RNF150: variants seen among roughly 807,000 people sequenced by gnomAD.
RNF150 encodes the protein ring finger protein 150.
A neutral mutation model predicts 39.3 loss-of-function variants in RNF150; 24 were observed. That is an observed-to-expected ratio of 0.61 (90% CI 0.44 to 0.86). RNF150 has a LOEUF of 0.86. Among genes scored for constraint, RNF150 ranks in the 40% least tolerant of loss-of-function variants. The probability of loss-of-function intolerance (pLI) is 0.00; values close to 1 mark genes in which losing one functional copy is unlikely to be tolerated. For synonymous variants in RNF150, 255 were observed against 227.3 expected (o/e 1.12, Z -1.10); for missense variants, 502 against 587.8 (o/e 0.85, Z 1.51).
Position 140,860,666 on chromosome 4 carries a change from T to G in RNF150, c.*7595A>C, listed in dbSNP as rs997469160. On this transcript the variant is annotated 3_prime_UTR_variant, in exon 7 of 7. Transcript: ENST00000515673. ...AGGATGGAAAAAAAGCCATTGGAAT[T>G]TCCTCTTGCTAGTAGGGAGGAAGAT... 1 of 152,226 alleles carries G rather than the reference T, an allele frequency of 6.6e-6. No individual in the cohort carries two copies. The highest frequency in any genetic ancestry group is 2.4e-5 in the African/African-American group (1 of 41,462). The allele number at this position is 152,226 out of a possible 1,614,324, so 9.4% of individuals were successfully genotyped here.
chr4:140,998,836 A>G (rs1402362439), intron 1 of RNF150, among the ~76,000 whole-genome samples: 1 of 152,212 alleles, frequency 6.6e-6, no homozygotes, highest in Non-Finnish European at 1.5e-5. Context: ...CATTGGGTCC[A>G]GGATCTATAA....
chr4:141,191,555 G>T (rs114096929), intron 1 of RNF150, among the ~76,000 whole-genome samples: 5 of 152,166 alleles, frequency 3.3e-5, no homozygotes, highest in African/African-American at 9.7e-5. Context: ...AGAGGGTGTC[G>T]TATATTTGGA....
At chr4:141,138,411 A>G (rs1295536339), upstream of RNF150, among the ~76,000 whole-genome samples, 3 of 152,192 alleles carry the variant, frequency 2.0e-5, no homozygotes, top group Non-Finnish European at 4.4e-5. Context: ...ATCCCTGAAA[A>G]GAGGGAACAC....
rs1345140029 is a variant in RNF150 at position 141,005,926 on chromosome 4, G to A, written c.485-38053C>T. Among the ~76,000 whole-genome samples the A allele has an allele frequency of 2.0e-5, 3 of 147,260 alleles. 1 individual carries two copies. Among genetic ancestry groups the A allele is most frequent in the Admixed American group, 6.8e-5 (1 of 14,760 alleles). ...TACTAAAAATACAAAAAAATTAGCCGGGCGTAGTGGCGGGCGCCTGTAGTC... is the reference window on the plus strand; with the variant it reads ...TACTAAAAATACAAAAAAATTAGCCAGGCGTAGTGGCGGGCGCCTGTAGTC... On this transcript the variant is annotated intron_variant, in intron 1 of 6. Transcript: ENST00000515673.
intron 1 of RNF150, among the ~76,000 whole-genome samples, chr4:141,045,892 C>A (rs1235027829): frequency 6.6e-6 from 1 of 152,112 alleles, no homozygotes; most frequent in Non-Finnish European, 1.5e-5. Context: ...GACAAATAAT[C>A]CCAATAAACG....
At chr4:141,001,170 C>T (rs73858700) in intron 1 of RNF150, among the ~76,000 whole-genome samples, 11,418 of 152,144 alleles carry the variant, frequency 0.075, 474 homozygotes, top group Middle Eastern at 0.16. Flanking sequence ...TTATGCCTAT[C>T]GTTGTAAAAA....
intron 6 of RNF150, among the ~76,000 whole-genome samples, chr4:140,879,187 T>C (rs186378699): frequency 2.6e-5 from 4 of 152,306 alleles, no homozygotes; most frequent in Non-Finnish European, 4.4e-5. Context: ...GGCCTTCAAT[T>C]TTGTTCTTCT....
At chr4:140,903,688 A>G (rs1442868525) in intron 6 of RNF150, among the ~76,000 whole-genome samples, 2 of 152,168 alleles carry the variant, frequency 1.3e-5, no homozygotes, top group African/African-American at 2.4e-5. Flanking sequence ...GAATTAATCA[A>G]TTGGAGATGG....
intron 1 of RNF150, among the ~76,000 whole-genome samples, chr4:141,123,358 A>G (rs1324257581): frequency 6.6e-6 from 1 of 152,184 alleles, no homozygotes; most frequent in East Asian, 1.9e-4. Flanking sequence ...ATCCAGAGAC[A>G]AAACTCCTTA....
intron 1 of RNF150, among the ~76,000 whole-genome samples, chr4:140,983,642 A>C (rs1030476600): frequency 1.3e-5 from 2 of 151,626 alleles, no homozygotes; most frequent in African/African-American, 4.8e-5. Context: ...TTGTGGGGGG[A>C]ATCTAGGCAT....
upstream of RNF150, among the ~76,000 whole-genome samples, chr4:141,138,024 G>C (rs996648172): frequency 6.6e-6 from 1 of 152,170 alleles, no homozygotes; most frequent in South Asian, 2.1e-4. Flanking sequence ...CCACAGCAGA[G>C]AATGGCAGTG....
chr4:140,983,921 G>A (rs1733940868), intron 1 of RNF150, among the ~76,000 whole-genome samples: 1 of 151,782 alleles, frequency 6.6e-6, no homozygotes, highest in Admixed American at 6.6e-5. Flanking sequence ...TGTATTTTTA[G>A]TAGAGGCAGG....
chr4:141,090,995 T>A (rs1233950500), intron 1 of RNF150, among the ~76,000 whole-genome samples: 2 of 152,238 alleles, frequency 1.3e-5, no homozygotes, highest in Non-Finnish European at 1.5e-5. Context: ...AGCTCCACTC[T>A]ATTCTACTTG....
chr4:141,000,073 A>AGAGGAG (rs1734597558), intron 1 of RNF150, among the ~76,000 whole-genome samples: 1 of 60,736 alleles, frequency 1.6e-5, no homozygotes, highest in Admixed American at 1.9e-4. Context: ...AAGAAGAAGA[A>AGAGGAG]GAAGAAGAAG....
chr4:141,115,111 CT>C (rs1334911638), intron 1 of RNF150, among the ~76,000 whole-genome samples: 5 of 152,158 alleles, frequency 3.3e-5, no homozygotes, highest in African/African-American at 1.2e-4. Context: ...CTCACCACTC[CT>C]ATTAAACATA....
intron 1 of RNF150, among the ~76,000 whole-genome samples, chr4:141,194,318 A>T (rs1415479202): frequency 6.6e-6 from 1 of 152,236 alleles, no homozygotes; most frequent in Admixed American, 6.5e-5. Context: ...CATTGTAGCT[A>T]AGGACAAAGG....
intron 6 of RNF150, among the ~76,000 whole-genome samples, chr4:140,869,343 A>T (rs1728839978): frequency 6.6e-6 from 1 of 152,222 alleles, no homozygotes; most frequent in Admixed American, 6.5e-5. Context: ...AAGCAAAGAA[A>T]CCAAAAATGC....
At chr4:141,006,659 TAAA>T (rs1252579865) in intron 1 of RNF150, among the ~76,000 whole-genome samples, 1 of 152,228 alleles carries the variant, frequency 6.6e-6, no homozygotes, top group African/African-American at 2.4e-5. Context: ...GGTGCACTGA[TAAA>T]GAAGGGCCTC....
At chr4:141,067,348 A>G (rs1220785900) in intron 1 of RNF150, among the ~76,000 whole-genome samples, 1 of 152,232 alleles carries the variant, frequency 6.6e-6, no homozygotes, top group Non-Finnish European at 1.5e-5. Context: ...AGTGCAAATC[A>G]GCAGGAAAAG....
Sources: gnomAD v4.1 joint callset for allele counts (sites outside exome capture counted in the v4.1 genomes callset) on GRCh38, gnomAD v4.1.1 for gene constraint, MANE v1.5 for transcripts, NCBI Gene and HGNC (gene_info 2026-07-23, HGNC 2026-07-21) for gene names.